MAP2K1: variants seen among roughly 807,000 people sequenced by gnomAD.
MAP2K1 encodes the protein mitogen-activated protein kinase kinase 1.
MAP2K1 carries 16 observed loss-of-function variants against 46.3 expected under a neutral mutation model. That is an observed-to-expected ratio of 0.35 (90% CI 0.23 to 0.52). The LOEUF (loss-of-function observed/expected upper bound fraction) is 0.52. Ranked by LOEUF, MAP2K1 falls within the 20% of genes least tolerant of loss-of-function variation. The pLI is 0.94. For missense variants in MAP2K1, 263 were observed against 497.1 expected (o/e 0.53, Z 4.48); for synonymous variants, 183 against 185.6 (o/e 0.99, Z 0.11).
intron 1 of MAP2K1, among the ~76,000 whole-genome samples, chr15:66,429,259 G>C (rs2093468150): frequency 6.6e-6 from 1 of 152,050 alleles, no homozygotes; most frequent in Non-Finnish European, 1.5e-5. Context: ...GGGAAGCAAG[G>C]ACCTTCTTCA....
At position 66,490,791 on chromosome 15, in the gene MAP2K1, T is replaced by C. The variant is rs1567028707; in HGVS notation, c.*176T>C. On this transcript the variant is annotated 3_prime_UTR_variant, in exon 11 of 11. Transcript: ENST00000307102. ...TCATTTTTAATATTACTGTCTTTATTCTTATTACTATTATTGTTCCCCTAA... is the reference window on the plus strand; with the variant it reads ...TCATTTTTAATATTACTGTCTTTATCCTTATTACTATTATTGTTCCCCTAA... 4 of 691,202 alleles carry C rather than the reference T, an allele frequency of 5.8e-6. No homozygotes were observed. Among genetic ancestry groups the C allele is most frequent in the Non-Finnish European group, 1.1e-5 (4 of 377,392 alleles). 42.8% of individuals were successfully genotyped at this position (691,202 alleles called of 1,614,324 possible).
chr15:66,487,122 G>T, intron 7 of MAP2K1, 106 bp from the exon 8 acceptor site: 1 of 899,380 alleles, frequency 1.1e-6, no homozygotes. Flanking sequence ...AATGTTTATT[G>T]TCCATGACCC....
chr15:66,453,828 T>TG (rs1318716788), intron 5 of MAP2K1, among the ~76,000 whole-genome samples: 1 of 152,166 alleles, frequency 6.6e-6, no homozygotes, highest in Non-Finnish European at 1.5e-5. Context: ...GACAGGGTCT[T>TG]GCTCTGGTGC....
intron 5 of MAP2K1, among the ~76,000 whole-genome samples, chr15:66,458,048 C>T (rs1342273770): frequency 6.6e-6 from 1 of 151,782 alleles, no homozygotes; most frequent in Non-Finnish European, 1.5e-5. Context: ...TGATAAGTGA[C>T]GTGGGTAGGA....
chr15:66,490,362 G>A (rs758153424), intron 10 of MAP2K1, 140 bp from the exon 11 acceptor site: 1 of 756,740 alleles, frequency 1.3e-6, no homozygotes, highest in Non-Finnish European at 2.4e-6. Context: ...TGGCCCCACT[G>A]TTGCTCAGGG....
intron 1 of MAP2K1, among the ~76,000 whole-genome samples, chr15:66,412,956 C>T (rs376391151): frequency 2.4e-4 from 36 of 151,982 alleles, no homozygotes; most frequent in Admixed American, 5.9e-4. Flanking sequence ...AGTACAGTGG[C>T]GTGATCTCGG....
intron 1 of MAP2K1, among the ~76,000 whole-genome samples, chr15:66,425,756 A>G (rs890957720): frequency 5.9e-5 from 9 of 152,254 alleles, no homozygotes; most frequent in African/African-American, 1.7e-4. Context: ...TTCTGTAACA[A>G]TATCCCACTT....
intron 1 of MAP2K1, among the ~76,000 whole-genome samples, chr15:66,389,373 T>C (rs957684774): frequency 2.4e-4 from 36 of 152,176 alleles, no homozygotes; most frequent in Non-Finnish European, 5.1e-4. Context: ...GTACCTGTTA[T>C]CATTCTGTTG....
At chr15:66,425,005 A>G (rs1484906922) in intron 1 of MAP2K1, among the ~76,000 whole-genome samples, 3 of 151,944 alleles carry the variant, frequency 2.0e-5, no homozygotes, top group Non-Finnish European at 2.9e-5. Context: ...CATGTTCGTC[A>G]GGCTGTTCTC....
At chr15:66,432,012 A>G (rs76252359) in intron 1 of MAP2K1, among the ~76,000 whole-genome samples, 30,339 of 152,112 alleles carry the variant, frequency 0.2, 3,129 homozygotes, top group East Asian at 0.38. Flanking sequence ...ATGTTCCCGC[A>G]AAGGACGTGA....
rs2093491533 is a variant in MAP2K1 at position 66,437,492 on chromosome 15, CTT to C, written c.438+602_438+603del. On this transcript the variant is annotated intron_variant, in intron 3 of 10. Transcript: ENST00000307102. Reference sequence around the variant, plus strand: ...CTTAGGGAATTCTGCAAGTATTAGTCTTTGCTTTATTCTCCCTGGGCTGATGG... The same window carrying C: ...CTTAGGGAATTCTGCAAGTATTAGTCTGCTTTATTCTCCCTGGGCTGATGG... Among the ~76,000 whole-genome samples, 3 of 152,298 alleles carry C rather than the reference CTT, an allele frequency of 2.0e-5. No homozygotes were observed. In the South Asian group the frequency reaches 6.2e-4, roughly 32 times the overall value.
intron 1 of MAP2K1, among the ~76,000 whole-genome samples, chr15:66,420,819 A>ATATATATGTGTG (rs1567003160): frequency 3.3e-5 from 2 of 61,136 alleles, no homozygotes; most frequent in African/African-American, 1.1e-4. Flanking sequence ...ATATATGTGT[A>ATATATATGTGTG]TATATATATG....
At position 66,472,265 on chromosome 15, in the gene MAP2K1, C is replaced by T. The variant is rs1017645418; in HGVS notation, c.569-9490C>T. Among the ~76,000 whole-genome samples, 7 of 149,826 alleles carry T rather than the reference C, an allele frequency of 4.7e-5. No homozygotes were observed. In the East Asian group the frequency reaches 7.8e-4, roughly 17 times the overall value. On this transcript the variant is annotated intron_variant, in intron 5 of 10. Transcript: ENST00000307102. ...GTTGTAGTGAGCTGAGATCGTGCTACTGCACTCCAGCCTGGGCGACAGTGT... is the reference window on the plus strand; with the variant it reads ...GTTGTAGTGAGCTGAGATCGTGCTATTGCACTCCAGCCTGGGCGACAGTGT...
chr15:66,428,271 C>CGT (rs67373670), intron 1 of MAP2K1, among the ~76,000 whole-genome samples: 1,563 of 122,350 alleles, frequency 0.013, 28 homozygotes, highest in African/African-American at 0.019. Flanking sequence ...AGCAGTTGTG[C>CGT]GTGTGTGTGT....
chr15:66,462,630 T>C (rs1260644962), intron 5 of MAP2K1, among the ~76,000 whole-genome samples: 1 of 146,214 alleles, frequency 6.8e-6, no homozygotes, highest in Non-Finnish European at 1.5e-5. Flanking sequence ...TAAAAGAAAA[T>C]AGCATATGTA....
At chr15:66,420,721 A>ATATATATATG (rs1461381065) in intron 1 of MAP2K1, among the ~76,000 whole-genome samples, 1 of 29,702 alleles carries the variant, frequency 3.4e-5, no homozygotes, top group African/African-American at 1.2e-4. Flanking sequence ...ATATATATAT[A>ATATATATATG]TGTGTGTGTG....
At position 66,436,674 on chromosome 15, in the gene MAP2K1, A is replaced by G. The variant is rs562207701; in HGVS notation, c.292-72A>G. 102 of 1,446,792 alleles carry G rather than the reference A, an allele frequency of 7.1e-5. 2 individuals are homozygous for G. The South Asian group carries it at 7.8e-4, about 11-fold the overall frequency. The allele number at this position is 1,446,792 out of a possible 1,614,324, so 89.6% of individuals were successfully genotyped here. ...CTACCTTAAAGAGCTTAAACATTTA[A>G]CAAGACTATATCTTTCATCCCTTCC... On this transcript the variant is annotated intron_variant, in intron 2 of 10. Coordinates refer to ENST00000307102, the MANE Select transcript of MAP2K1 (RefSeq NM_002755.4).
chr15:66,452,215 C>T (rs1209317214), intron 5 of MAP2K1, among the ~76,000 whole-genome samples: 1 of 133,266 alleles, frequency 7.5e-6, no homozygotes, highest in Non-Finnish European at 1.6e-5. Context: ...TGCAGCGCAC[C>T]AGCATGGCAC....
rs142747329 is a variant in MAP2K1, at chr15:66,413,123, T to C, written c.81-21904T>C. Among the ~76,000 whole-genome samples, 777 of 152,268 alleles carry C rather than the reference T, an allele frequency of 5.1e-3. 8 individuals are homozygous for C. The highest frequency in any genetic ancestry group is 0.018 in the African/African-American group (742 of 41,550). On this transcript the variant is annotated intron_variant, in intron 1 of 10. Transcript: ENST00000307102. ...GTTGGCCAGGCTGGCCTCGAACTCC[T>C]GACCTCAGGTGATCCACCTGCCTCG...
Sources: gnomAD v4.1 joint callset for allele counts (sites outside exome capture counted in the v4.1 genomes callset) on GRCh38, gnomAD v4.1.1 for gene constraint, MANE v1.5 for transcripts, NCBI Gene and HGNC (gene_info 2026-07-23, HGNC 2026-07-21) for gene names.